Variants in CACNA2D3 observed in about 807,000 individuals in gnomAD.
CACNA2D3 encodes calcium voltage-gated channel auxiliary subunit alpha2delta 3.
Under a neutral mutation model 160.6 loss-of-function variants are expected in CACNA2D3, and 60 were observed. The observed-to-expected ratio is 0.37, with a 90% CI of 0.30 to 0.46. The LOEUF (loss-of-function observed/expected upper bound fraction) is 0.46, where lower values mean the gene tolerates loss of function less well. CACNA2D3 is among the 20% of genes least tolerant of loss of function. The probability of loss-of-function intolerance (pLI) is 1.00; values close to 1 mark genes in which losing one functional copy is unlikely to be tolerated. For missense variants in CACNA2D3, 1,205 were observed against 1,365.0 expected (o/e 0.88, Z 1.85); for synonymous variants, 558 against 492.9 (o/e 1.13, Z -1.75).
At chr3:54,127,290 G>C (rs55872079) in intron 2 of CACNA2D3, among the ~76,000 whole-genome samples, 2 of 152,116 alleles carry the variant, frequency 1.3e-5, no homozygotes, top group African/African-American at 4.8e-5. Context: ...TACCAAACAC[G>C]CACATCTTGG....
intron 35 of CACNA2D3, among the ~76,000 whole-genome samples, chr3:55,052,511 A>G (rs912887630): frequency 1.3e-5 from 2 of 151,962 alleles, no homozygotes; most frequent in Non-Finnish European, 1.5e-5. Flanking sequence ...TTACTTAGGT[A>G]AAGTTGGTTT....
At chr3:55,023,409 A>C (rs1276355901) in intron 35 of CACNA2D3, among the ~76,000 whole-genome samples, 6 of 152,050 alleles carry the variant, frequency 3.9e-5, no homozygotes, top group Non-Finnish European at 7.4e-5. Context: ...TGAGCTTTTC[A>C]TTTCTAGACA....
At chr3:54,807,090 C>T (rs1409358709) in intron 13 of CACNA2D3, among the ~76,000 whole-genome samples, 2 of 152,136 alleles carry the variant, frequency 1.3e-5, no homozygotes, top group African/African-American at 2.4e-5. Flanking sequence ...AGACCTAAAA[C>T]CATAAAAACC....
At chr3:54,822,790 C>CTTTCTTTCTTTCTTTCCTTT (rs1491160047) in intron 14 of CACNA2D3, among the ~76,000 whole-genome samples, 4 of 71,960 alleles carry the variant, frequency 5.6e-5, no homozygotes, top group Non-Finnish European at 1.1e-4. Flanking sequence ...TTCTTTCTTT[C>CTTTCTTTCTTTCTTTCCTTT]CTTTCTTTCT....
chr3:54,755,053 C>T (rs1292701470), intron 12 of CACNA2D3, among the ~76,000 whole-genome samples: 1 of 152,182 alleles, frequency 6.6e-6, no homozygotes, highest in African/African-American at 2.4e-5. Flanking sequence ...GGCATGCATA[C>T]AGCCAGGAAT....
intron 4 of CACNA2D3, among the ~76,000 whole-genome samples, chr3:54,434,601 G>T (rs535776794): frequency 6.6e-6 from 1 of 152,346 alleles, no homozygotes; most frequent in East Asian, 1.9e-4. Flanking sequence ...GCTGCCATCT[G>T]ATGCGCAGGC....
chr3:54,567,499 G>C (rs1219068137), intron 6 of CACNA2D3, among the ~76,000 whole-genome samples: 3 of 130,494 alleles, frequency 2.3e-5, no homozygotes, highest in Non-Finnish European at 3.7e-5. Flanking sequence ...CTGTTCAGGT[G>C]GAGGTGGTTT....
intron 2 of CACNA2D3, among the ~76,000 whole-genome samples, chr3:54,138,153 G>T (rs1699853494): frequency 6.6e-6 from 1 of 152,252 alleles, no homozygotes; most frequent in Non-Finnish European, 1.5e-5. Context: ...CAGCTAATAA[G>T]TGGTGGCCTC....
chr3:54,722,884 TGAG>T lies in CACNA2D3; in HGVS notation c.1168-29710_1168-29708del, dbSNP rs1302804062. Among the ~76,000 whole-genome samples, 18 of 152,258 alleles carry T rather than the reference TGAG, an allele frequency of 1.2e-4. No individual in the cohort carries two copies. The South Asian group carries it at 2.7e-3, about 23-fold the overall frequency. On this transcript the variant is annotated intron_variant, in intron 11 of 37. Coordinates refer to ENST00000474759, the MANE Select transcript of CACNA2D3 (RefSeq NM_018398.3). ...GATACATGGGGGTCAGGGACCGACTTGAGGAGGCAGTCTGACCCTTAGCAGAGC... is the reference window on the plus strand; with the variant it reads ...GATACATGGGGGTCAGGGACCGACTTGAGGCAGTCTGACCCTTAGCAGAGC...
At chr3:54,379,044 TA>T (rs779424630) in intron 3 of CACNA2D3, among the ~76,000 whole-genome samples, 78 of 152,292 alleles carry the variant, frequency 5.1e-4, no homozygotes, top group Admixed American at 3.9e-3. Context: ...TTTTGTCTTG[TA>T]AAAGGCCAGT....
At chr3:54,883,830 C>CTCTCTCTCTCTCTCTCTCCTCTCTG (rs1699864843) in intron 21 of CACNA2D3, among the ~76,000 whole-genome samples, 1 of 134,594 alleles carries the variant, frequency 7.4e-6, no homozygotes, top group African/African-American at 2.8e-5. Context: ...TCTCCTCTCT[C>CTCTCTCTCTCTCTCTCTCCTCTCTG]TCCCTTCAAC....
At chr3:54,976,082 C>CACACACAA (rs1553620554) in intron 29 of CACNA2D3, among the ~76,000 whole-genome samples, 8 of 128,540 alleles carry the variant, frequency 6.2e-5, no homozygotes, top group African/African-American at 2.0e-4. Flanking sequence ...CACACACACA[C>CACACACAA]ACACACACAC....
intron 4 of CACNA2D3, among the ~76,000 whole-genome samples, chr3:54,414,909 A>T (rs1389876107): frequency 6.6e-6 from 1 of 151,908 alleles, no homozygotes; most frequent in African/African-American, 2.4e-5. Context: ...TTTTAAACAC[A>T]ATATGTCACC....
At chr3:55,072,693 G>C (rs1403406428) in intron 35 of CACNA2D3, among the ~76,000 whole-genome samples, 1 of 152,228 alleles carries the variant, frequency 6.6e-6, no homozygotes, top group Non-Finnish European at 1.5e-5. Flanking sequence ...TCCAAAGAAA[G>C]AGTCAGTAGT....
At chr3:55,067,926 A>G (rs909585555) in intron 35 of CACNA2D3, among the ~76,000 whole-genome samples, 1 of 152,236 alleles carries the variant, frequency 6.6e-6, no homozygotes, top group African/African-American at 2.4e-5. Flanking sequence ...TTTAAAGCAT[A>G]TGGCTAGAAG....
At chr3:54,546,521 A>T (rs1702067398) in intron 5 of CACNA2D3, among the ~76,000 whole-genome samples, 1 of 152,196 alleles carries the variant, frequency 6.6e-6, no homozygotes, top group South Asian at 2.1e-4. Context: ...TAGAGCATGC[A>T]GAATGCCCGC....
At chr3:54,344,571 C>T (rs1271474421) in intron 3 of CACNA2D3, among the ~76,000 whole-genome samples, 1 of 152,332 alleles carries the variant, frequency 6.6e-6, no homozygotes, top group South Asian at 2.1e-4. Context: ...CAACTTTTCT[C>T]TAGGTGGAGA....
At position 54,245,623 on chromosome 3, in the gene CACNA2D3, G is replaced by C. The variant is rs9809130; in HGVS notation, c.205-74819G>C. ...CAGTCAACTTTGGGCCATTGACATA[G>C]TGCAGTTGTTGCCTGGTATAATGCA... is the stretch of plus-strand genomic sequence containing the variant. On this transcript the variant is annotated intron_variant, in intron 2 of 37. Coordinates refer to ENST00000474759, the MANE Select transcript of CACNA2D3 (RefSeq NM_018398.3). 3.5e-3 allele frequency among the ~76,000 whole-genome samples: 538 copies of C among 152,290 alleles called. 4 individuals carry two copies. The highest frequency in any genetic ancestry group is 9.8e-3 in the African/African-American group (409 of 41,562).
intron 4 of CACNA2D3, among the ~76,000 whole-genome samples, chr3:54,393,124 A>G (rs189324711): frequency 6.6e-6 from 1 of 152,174 alleles, no homozygotes; most frequent in African/African-American, 2.4e-5. Flanking sequence ...TGCTTCTGCT[A>G]CCCCATCCCC....
Sources: gnomAD v4.1 joint callset for allele counts (sites outside exome capture counted in the v4.1 genomes callset) on GRCh38, gnomAD v4.1.1 for gene constraint, MANE v1.5 for transcripts, NCBI Gene and HGNC (gene_info 2026-07-23, HGNC 2026-07-21) for gene names.